MALRD1: variants seen among roughly 807,000 people sequenced by gnomAD.
MALRD1 encodes the protein MAM and LDL receptor class A domain containing 1.
A neutral mutation model predicts 242.1 loss-of-function variants in MALRD1; 247 were observed. The ratio of observed to expected loss-of-function variants is 1.02; its 90% CI spans 0.92 to 1.13. The LOEUF (loss-of-function observed/expected upper bound fraction) is 1.13. Ranked by LOEUF, MALRD1 falls within the 50% of genes most tolerant of loss-of-function variation. The pLI, the probability that MALRD1 is intolerant of heterozygous loss-of-function variation, is 0.00. For missense variants in MALRD1, 2,989 were observed against 2,533.1 expected (o/e 1.18, Z -3.86); for synonymous variants, 995 against 866.6 (o/e 1.15, Z -2.60).
intron 32 of MALRD1, among the ~76,000 whole-genome samples, chr10:19,541,811 T>C (rs375862425): frequency 5.5e-4 from 84 of 152,276 alleles, no homozygotes; most frequent in African/African-American, 1.9e-3. Flanking sequence ...ATGAGACACT[T>C]TGAGAGCTGC....
intron 21 of MALRD1, among the ~76,000 whole-genome samples, chr10:19,322,076 C>T (rs963857284): frequency 4.6e-5 from 7 of 151,990 alleles, no homozygotes; most frequent in Admixed American, 1.3e-4. Flanking sequence ...TTAGATGTAG[C>T]ACATTGAAAT....
At chr10:19,061,689 G>T (rs913066274) in intron 1 of MALRD1, among the ~76,000 whole-genome samples, 2 of 152,092 alleles carry the variant, frequency 1.3e-5, no homozygotes, top group Admixed American at 6.6e-5. Context: ...AATGGGGAAA[G>T]GACAGTCTTT....
chr10:19,506,526 C>T (rs1010324430), intron 31 of MALRD1, among the ~76,000 whole-genome samples: 2 of 152,054 alleles, frequency 1.3e-5, no homozygotes, highest in Admixed American at 1.3e-4. Flanking sequence ...TATCTATTGA[C>T]ACTTGTGTAT....
chr10:19,322,108 T>G (rs1334154831), intron 21 of MALRD1, among the ~76,000 whole-genome samples: 1 of 152,110 alleles, frequency 6.6e-6, no homozygotes, highest in Non-Finnish European at 1.5e-5. Flanking sequence ...AAGTATAAAA[T>G]TATAATAATC....
chr10:19,496,550 C>T (rs897600996), intron 30 of MALRD1, among the ~76,000 whole-genome samples: 1 of 152,056 alleles, frequency 6.6e-6, no homozygotes, highest in African/African-American at 2.4e-5. Flanking sequence ...TGGGACACAG[C>T]TAAGACACTG....
chr10:19,520,744 T>G (rs1221057811), intron 31 of MALRD1, among the ~76,000 whole-genome samples: 1 of 152,154 alleles, frequency 6.6e-6, no homozygotes, highest in African/African-American at 2.4e-5. Flanking sequence ...TAGTGATGTT[T>G]CGACAACAAA....
chr10:19,614,574 T>C (rs908602311), intron 35 of MALRD1, among the ~76,000 whole-genome samples: 2 of 151,916 alleles, frequency 1.3e-5, no homozygotes, highest in Non-Finnish European at 2.9e-5. Context: ...TGACAGGCCT[T>C]AGTAGGTCAA....
chr10:19,260,668 T>A (rs1839705578), intron 19 of MALRD1, among the ~76,000 whole-genome samples: 1 of 152,158 alleles, frequency 6.6e-6, no homozygotes, highest in African/African-American at 2.4e-5. Flanking sequence ...AATCTTACAA[T>A]GTTTTAAGAG....
At position 19,257,551 on chromosome 10, in the gene MALRD1, C is replaced by A. The variant is rs1234407657; in HGVS notation, c.2992-133C>A. 4.6e-6 allele frequency: 3 copies of A among 648,666 alleles called. No homozygotes were observed. In the African/African-American group the frequency reaches 5.5e-5, roughly 12 times the overall value. 40.2% of individuals were successfully genotyped at this position (648,666 alleles called of 1,614,324 possible). On this transcript the variant is annotated intron_variant, in intron 18 of 39. Transcript: ENST00000454679. ...AGATGACCACTTCTGGAGACTACTG[C>A]AAAGCAGTTTTTTAATGGCACAGAA...
intron 36 of MALRD1, chr10:19,633,737 C>G (rs980797323): frequency 6.6e-6 from 1 of 151,998 alleles, no homozygotes; most frequent in Non-Finnish European, 1.5e-5. Context: ...GTAACCAGGC[C>G]CAACCCTGGC....
At chr10:19,129,039 A>T (rs1837370436) in intron 8 of MALRD1, among the ~76,000 whole-genome samples, 1 of 152,078 alleles carries the variant, frequency 6.6e-6, no homozygotes, top group Non-Finnish European at 1.5e-5. Context: ...CTGACACCAG[A>T]TGCATGTTTT....
intron 36 of MALRD1, among the ~76,000 whole-genome samples, chr10:19,660,395 A>G (rs1021215562): frequency 6.6e-6 from 1 of 152,190 alleles, no homozygotes; most frequent in Non-Finnish European, 1.5e-5. Context: ...GCAGTGACCA[A>G]GGTAGATGGT....
intron 28 of MALRD1, among the ~76,000 whole-genome samples, chr10:19,393,707 T>C (rs1044337962): frequency 1.3e-5 from 2 of 151,764 alleles, no homozygotes; most frequent in Non-Finnish European, 2.9e-5. Flanking sequence ...CTGCCCACCT[T>C]GGCCTCCCAA....
intron 21 of MALRD1, among the ~76,000 whole-genome samples, chr10:19,296,597 A>G (rs1841713621): frequency 6.6e-6 from 1 of 152,120 alleles, no homozygotes; most frequent in Non-Finnish European, 1.5e-5. Flanking sequence ...GATTTAAGGC[A>G]TATGCTTACT....
intron 31 of MALRD1, among the ~76,000 whole-genome samples, chr10:19,501,026 AGT>A (rs2131255266): frequency 6.6e-6 from 1 of 152,290 alleles, no homozygotes; most frequent in African/African-American, 2.4e-5. Context: ...AGTACATAGG[AGT>A]GTGACAGCCA....
intron 5 of MALRD1, 98 bp downstream of exon 5, chr10:19,104,173 T>G: frequency 1.5e-6 from 1 of 648,064 alleles, no homozygotes; most frequent in Non-Finnish European, 2.2e-6. Context: ...TATTTTTGTC[T>G]GATGTTTTCA....
chr10:19,537,830 C>A (rs140610493), intron 32 of MALRD1, among the ~76,000 whole-genome samples: 1 of 152,208 alleles, frequency 6.6e-6, no homozygotes, highest in East Asian at 1.9e-4. Flanking sequence ...AATACCATCA[C>A]CTTCGGGGTT....
Position 19,328,827 on chromosome 10 carries a change from G to A in MALRD1, c.3687+1154G>A, listed in dbSNP as rs201898963. On this transcript the variant is annotated intron_variant, in intron 23 of 39. Transcript: ENST00000454679. Reference sequence around the variant, plus strand: ...CTGAATATCAGTTTCATAGCCTTGCGCAACATGAAACTTTTTATTAGAGGG... The same window carrying A: ...CTGAATATCAGTTTCATAGCCTTGCACAACATGAAACTTTTTATTAGAGGG... 5.9e-5 allele frequency among the ~76,000 whole-genome samples: 9 copies of A among 152,196 alleles called. No homozygotes were observed. In the South Asian group the frequency reaches 1.5e-3, roughly 25 times the overall value.
At chr10:19,588,666 G>A (rs7074736) in intron 33 of MALRD1, among the ~76,000 whole-genome samples, 64,809 of 152,008 alleles carry the variant, frequency 0.43, 14,078 homozygotes, top group Non-Finnish European at 0.48. Flanking sequence ...ATGTAGAGAC[G>A]GAGTCTTGCT....
Sources: allele counts gnomAD v4.1 joint callset (sites outside exome capture counted in the v4.1 genomes callset), GRCh38; gene constraint gnomAD v4.1.1; transcripts MANE v1.5; gene names NCBI Gene and HGNC (gene_info 2026-07-23, HGNC 2026-07-21).